Variants in ADGRG4 observed in about 807,000 individuals in gnomAD.
ADGRG4 encodes the protein G protein-coupled receptor 112.
Under a neutral mutation model 126.2 loss-of-function variants are expected in ADGRG4, and 122 were observed. The observed-to-expected ratio is 0.97, with a 90% CI of 0.83 to 1.12. ADGRG4 has a LOEUF of 1.12. ADGRG4 is among the 50% of genes most tolerant of loss of function. The pLI, the probability that ADGRG4 is intolerant of heterozygous loss-of-function variation, is 0.00. For missense variants in ADGRG4, 2,481 were observed against 2,251.8 expected (o/e 1.10, Z -2.06); for synonymous variants, 943 against 838.7 (o/e 1.12, Z -2.15).
intron 4 of ADGRG4, among the ~76,000 whole-genome samples, chrX:136,319,792 T>C (rs2074829408): frequency 9.0e-6 from 1 of 110,765 alleles, no homozygotes; most frequent in African/African-American, 3.3e-5. Flanking sequence ...ACCTATCCAT[T>C]CATCCATACA....
chrX:136,304,168 C>T lies in ADGRG4; in HGVS notation c.-218C>T, dbSNP rs1162223303. On this transcript the variant is annotated 5_prime_UTR_variant, in exon 2 of 26. Transcript: ENST00000394143. ...CAGATGGTCAACATTCTCCTCATAA[C>T]CTTCCAGGGAATGGAAGATACCCGT... 1 of 111,909 alleles carries T rather than the reference C, an allele frequency of 8.9e-6. No homozygotes were observed. The highest frequency in any genetic ancestry group is 1.9e-5 in the Non-Finnish European group (1 of 53,147). 9.2% of individuals were successfully genotyped at this position (111,909 alleles called of 1,213,427 possible).
intron 7 of ADGRG4, among the ~76,000 whole-genome samples, chrX:136,352,503 TA>T (rs1244718047): frequency 1.6e-3 from 162 of 101,734 alleles, no homozygotes; most frequent in South Asian, 4.3e-3. Context: ...TTGTTTTCTT[TA>T]AAAAAAAAAA....
intron 16 of ADGRG4, among the ~76,000 whole-genome samples, chrX:136,391,934 G>C (rs1488263487): frequency 8.9e-6 from 1 of 112,539 alleles, no homozygotes; most frequent in African/African-American, 3.2e-5. Context: ...CCAAAATAGA[G>C]AATAGTTTCA....
chrX:136,320,606 A>T (rs1410581099), intron 4 of ADGRG4, among the ~76,000 whole-genome samples: 1 of 111,828 alleles, frequency 8.9e-6, no homozygotes, highest in African/African-American at 3.3e-5. Flanking sequence ...ATCTTTTGGC[A>T]ACTGGTTTTA....
At chrX:136,404,388 A>T (rs192438855) in intron 22 of ADGRG4, among the ~76,000 whole-genome samples, 46 of 111,603 alleles carry the variant, frequency 4.1e-4, no homozygotes, top group African/African-American at 1.3e-3. Context: ...CCCAAAAGAG[A>T]TTTTTCAGAT....
Position 136,348,493 on chromosome X carries a change from C to T in ADGRG4, c.4787C>T (p.Thr1596Ile). Residue 1596 changes from threonine to isoleucine, a missense_variant, in exon 6 of 26, where the codon ACC becomes ATC. Transcript: ENST00000394143. ...TTCTCTACTTTATTGTCTTCAGTTA[C>T]CCCCAGGACTACTATGACCATGCAA... ...GLFSTLLSSV[T>I]PRTTMTMQTS... 5 of 1,208,643 alleles carry T rather than the reference C, an allele frequency of 4.1e-6. No individual in the cohort carries two copies. Among genetic ancestry groups the T allele is most frequent in the Non-Finnish European group, 5.6e-6 (5 of 893,046 alleles).
In ADGRG4 at chrX:136,413,048, CTTTAT is replaced by C. The variant is rs750988163; in HGVS notation, c.9037+691_9037+695del. On this transcript the variant is annotated intron_variant, in intron 24 of 25. Transcript: ENST00000394143. The stretch of plus-strand genomic sequence containing the variant: ...GCACTGAGATTCCCCCCATTCCCCA[CTTTAT>C]TTTATTTTTTTTCTTCCAGTATTTT... 8.3e-3 allele frequency among the ~76,000 whole-genome samples: 464 copies of C among 56,045 alleles called. 2 individuals carry two copies. The highest frequency in any genetic ancestry group is 0.038 in the African/African-American group (445 of 11,733). 48.7% of individuals were successfully genotyped at this position (56,045 alleles called of 115,157 possible). A position where few individuals can be genotyped will look rare whatever the true frequency, so the allele number is the denominator to read the frequency against.
intron 5 of ADGRG4, among the ~76,000 whole-genome samples, chrX:136,339,882 T>C (rs1485501340): frequency 8.9e-6 from 1 of 111,980 alleles, no homozygotes. Context: ...TGTGTATGCG[T>C]AGACAGATAG....
At chrX:136,343,320 G>A (rs1365205406) in intron 5 of ADGRG4, among the ~76,000 whole-genome samples, 1 of 110,978 alleles carries the variant, frequency 9.0e-6, no homozygotes, top group Non-Finnish European at 1.9e-5. Context: ...GTTGGAGAAT[G>A]TTGAGCTTGA....
chrX:136,342,152 T>C (rs1284391290), intron 5 of ADGRG4, among the ~76,000 whole-genome samples: 1 of 112,045 alleles, frequency 8.9e-6, no homozygotes, highest in East Asian at 2.8e-4. Context: ...ATATTATCAC[T>C]ATTCTCCGAG....
intron 5 of ADGRG4, among the ~76,000 whole-genome samples, chrX:136,324,132 C>G (rs1448866919): frequency 9.0e-6 from 1 of 111,493 alleles, no homozygotes; most frequent in African/African-American, 3.3e-5. Flanking sequence ...TAACTTTGAT[C>G]ACTTGATTTT....
At position 136,344,461 on chromosome X, in the gene ADGRG4, C is replaced by T; in HGVS notation, c.755C>T (p.Pro252Leu). 8.4e-7 allele frequency: 1 copy of T among 1,191,134 alleles called. No homozygotes were observed. Among genetic ancestry groups the T allele is most frequent in the Non-Finnish European group, 1.1e-6 (1 of 877,736 alleles). The change falls in exon 6 of 26, where the codon CCA becomes CTA. Residue 252 changes from proline to leucine, a missense_variant. By Grantham distance (98) the Pro-to-Leu change is moderately conservative. Coordinates refer to ENST00000394143, the MANE Select transcript of ADGRG4 (RefSeq NM_153834.4). ...TVSQQIDMTT[P>L]SQITGVKPQN... ...TCACAACAGATAGATATGACCACTC[C>T]ATCCCAAATTACTGGAGTAAAACCA...
At chrX:136,377,882 G>A (rs2075237566) in intron 15 of ADGRG4, among the ~76,000 whole-genome samples, 1 of 106,464 alleles carries the variant, frequency 9.4e-6, no homozygotes, top group South Asian at 4.1e-4. Context: ...TTACCAGGTC[G>A]TCTTGGTTCC....
In ADGRG4 at chrX:136,345,217, T is replaced by C. The variant is rs377305580; in HGVS notation, c.1511T>C (p.Val504Ala). The C allele has an allele frequency of 2.5e-6, 3 of 1,208,792 alleles. No homozygotes were observed. Among genetic ancestry groups the C allele is most frequent in the African/African-American group, 3.5e-5 (2 of 57,152 alleles). ...ATTDMKIAFT[V>A]HSLTLPTRLI... Reference sequence around the variant, plus strand: ...ACTGATATGAAAATAGCATTTACAGTCCATTCATTGACTCTCCCAACTAGG... The same window carrying C: ...ACTGATATGAAAATAGCATTTACAGCCCATTCATTGACTCTCCCAACTAGG... The change falls in exon 6 of 26, where the codon GTC becomes GCC. Residue 504 changes from valine to alanine, a missense_variant. Coordinates refer to ENST00000394143, the MANE Select transcript of ADGRG4 (RefSeq NM_153834.4).
chrX:136,392,716 G>A (rs1234229248), intron 17 of ADGRG4, among the ~76,000 whole-genome samples: 2 of 112,099 alleles, frequency 1.8e-5, no homozygotes, highest in Non-Finnish European at 3.8e-5. Flanking sequence ...ACATTAAAAC[G>A]TGTATGAATT....
intron 5 of ADGRG4, among the ~76,000 whole-genome samples, chrX:136,324,793 C>T (rs754020371): frequency 3.6e-5 from 4 of 112,056 alleles, no homozygotes; most frequent in Non-Finnish European, 7.5e-5. Context: ...CCAGGCTCTT[C>T]TTGTACGTTT....
At chrX:136,334,112 CT>C (rs1421759371) in intron 5 of ADGRG4, among the ~76,000 whole-genome samples, 1 of 38,098 alleles carries the variant, frequency 2.6e-5, no homozygotes, top group Non-Finnish European at 5.2e-5. Flanking sequence ...TTCTTTCTTT[CT>C]TTCTTTCTTT....
At position 136,351,550 on chromosome X, in the gene ADGRG4, A is replaced by C; in HGVS notation, c.6822+9A>C. Reference sequence around the variant, plus strand: ...AATTTACGGAAAATTCGGTAAAATAATCTTTTGCATATTTATGGCATATAT... The same window carrying C: ...AATTTACGGAAAATTCGGTAAAATACTCTTTTGCATATTTATGGCATATAT... On this transcript the variant is annotated intron_variant, in intron 7 of 25. Transcript: ENST00000394143. 1.1e-6 allele frequency: 1 copy of C among 914,026 alleles called. No individual in the cohort carries two copies. 75.3% of individuals were successfully genotyped at this position (914,026 alleles called of 1,213,427 possible).
intron 5 of ADGRG4, among the ~76,000 whole-genome samples, chrX:136,328,175 TG>T (rs1285973318): frequency 3.6e-5 from 4 of 111,389 alleles, no homozygotes; most frequent in African/African-American, 1.3e-4. Context: ...CTGATTCTTT[TG>T]GGGGGAGGCT....
Sources: allele counts gnomAD v4.1 joint callset (sites outside exome capture counted in the v4.1 genomes callset), GRCh38; gene constraint gnomAD v4.1.1; transcripts MANE v1.5; gene names NCBI Gene and HGNC (gene_info 2026-07-23, HGNC 2026-07-21).